The following ADAMTS12 variants were observed in gnomAD, a reference collection of about 807,000 sequenced individuals.
ADAMTS12 encodes the protein ADAM metallopeptidase with thrombospondin type 1 motif 12, also known as A disintegrin and metalloproteinase with thrombospondin motifs 12.
A neutral mutation model predicts 167.8 loss-of-function variants in ADAMTS12; 118 were observed. The observed-to-expected ratio is 0.70, with a 90% CI of 0.61 to 0.82. ADAMTS12 has a LOEUF of 0.82. Among genes scored for constraint, ADAMTS12 ranks in the 40% least tolerant of loss-of-function variants. The probability of loss-of-function intolerance (pLI) is 0.00; values close to 1 mark genes in which losing one functional copy is unlikely to be tolerated. For missense variants in ADAMTS12, 1,916 were observed against 1,998.8 expected, an observed-to-expected ratio of 0.96 and a Z score of 0.79; for synonymous variants, 704 against 716.9, an observed-to-expected ratio of 0.98 and a Z score of 0.29.
rs559713999 is a variant in ADAMTS12, at chr5:33,850,688, T to C, written c.489+30431A>G. 9.8e-5 allele frequency among the ~76,000 whole-genome samples: 15 copies of C among 152,316 alleles called. No homozygotes were observed. The East Asian group carries it at 2.9e-3, about 29-fold the overall frequency. On this transcript the variant is annotated intron_variant, in intron 2 of 23. Transcript: ENST00000504830. ...CTGGGCTAGGATATTATTTCTCACC[T>C]TCATATTTTTTGACTGTTTAGTTTT... is the stretch of plus-strand genomic sequence containing the variant.
intron 3 of ADAMTS12, among the ~76,000 whole-genome samples, chr5:33,698,374 G>A (rs1742861972): frequency 6.6e-6 from 1 of 152,150 alleles, no homozygotes; most frequent in African/African-American, 2.4e-5. Flanking sequence ...TTTCCATACA[G>A]TGGACCATTC....
chr5:33,753,069 T>C (rs1745050574), intron 2 of ADAMTS12, among the ~76,000 whole-genome samples: 1 of 152,184 alleles, frequency 6.6e-6, no homozygotes, highest in South Asian at 2.1e-4. Flanking sequence ...TGACCTTCAA[T>C]GGGTCATGCA....
intron 3 of ADAMTS12, among the ~76,000 whole-genome samples, chr5:33,697,514 A>C (rs1742826134): frequency 6.6e-6 from 1 of 152,162 alleles, no homozygotes; most frequent in South Asian, 2.1e-4. Flanking sequence ...TTTCTCTTCA[A>C]ATAACCCAAT....
intron 2 of ADAMTS12, among the ~76,000 whole-genome samples, chr5:33,876,077 A>T (rs879401202): frequency 3.3e-5 from 5 of 152,246 alleles, no homozygotes; most frequent in Non-Finnish European, 7.3e-5. Context: ...GATATTTAGA[A>T]GTCAATCTAA....
chr5:33,536,611 G>A lies in ADAMTS12; in HGVS notation c.4447-1619C>T, dbSNP rs79936354. ...CTTAATAATAGATCATAGAGGTTAC[G>A]AGTGATTCCAAAGGCTGGCCTGGTA... On this transcript the variant is annotated intron_variant, in intron 22 of 23. Transcript: ENST00000504830. 3.6e-3 allele frequency among the ~76,000 whole-genome samples: 541 copies of A among 150,808 alleles called. 5 individuals are homozygous for A. The highest frequency in any genetic ancestry group is 0.013 in the African/African-American group (529 of 40,210).
intron 2 of ADAMTS12, among the ~76,000 whole-genome samples, chr5:33,858,397 C>T (rs142449632): frequency 7.2e-5 from 11 of 152,344 alleles, no homozygotes; most frequent in Admixed American, 1.3e-4. Context: ...TGGCTCACGC[C>T]TATAATCCCA....
intron 2 of ADAMTS12, among the ~76,000 whole-genome samples, chr5:33,791,140 A>G (rs995397561): frequency 8.5e-5 from 13 of 152,190 alleles, no homozygotes; most frequent in Admixed American, 2.6e-4. Flanking sequence ...AGCTACTCAC[A>G]TGCACAGCAG....
intron 2 of ADAMTS12, among the ~76,000 whole-genome samples, chr5:33,773,784 T>A (rs570771323): frequency 1.3e-5 from 2 of 152,290 alleles, no homozygotes; most frequent in African/African-American, 4.8e-5. Context: ...TATGATAGAC[T>A]TTTTTTGCAT....
intron 2 of ADAMTS12, among the ~76,000 whole-genome samples, chr5:33,826,226 A>G (rs1748063672): frequency 1.3e-5 from 2 of 152,130 alleles, no homozygotes; most frequent in African/African-American, 4.8e-5. Flanking sequence ...CAATTTATGC[A>G]TCTTGATGTG....
chr5:33,738,939 G>C (rs1744468332), intron 3 of ADAMTS12, among the ~76,000 whole-genome samples: 1 of 152,218 alleles, frequency 6.6e-6, no homozygotes, highest in Non-Finnish European at 1.5e-5. Context: ...AATGCAGCCA[G>C]GGTGCTGGTC....
At chr5:33,751,156 T>C in intron 3 of ADAMTS12, 1 of 509,538 alleles carries the variant, frequency 2.0e-6, no homozygotes, top group East Asian at 3.1e-5. Context: ...CAAAGATGCT[T>C]TTATTTCCTT....
At chr5:33,652,416 C>T (rs1012511942) in intron 7 of ADAMTS12, among the ~76,000 whole-genome samples, 1 of 152,022 alleles carries the variant, frequency 6.6e-6, no homozygotes, top group Non-Finnish European at 1.5e-5. Context: ...TTATTGGCCA[C>T]TTTTGTGTCT....
intron 9 of ADAMTS12, among the ~76,000 whole-genome samples, chr5:33,645,966 A>T (rs1012144289): frequency 1.3e-5 from 2 of 152,216 alleles, no homozygotes; most frequent in Non-Finnish European, 2.9e-5. Context: ...GCTTTGACAC[A>T]GGAAATTCAG....
At position 33,667,326 on chromosome 5, in the gene ADAMTS12, A is replaced by G. The variant is rs1013997717; in HGVS notation, c.916-5286T>C. Among the ~76,000 whole-genome samples the G allele has an allele frequency of 3.3e-5, 5 of 151,584 alleles. No homozygotes were observed. In the East Asian group the frequency reaches 9.7e-4, roughly 29 times the overall value. On this transcript the variant is annotated intron_variant, in intron 5 of 23. Coordinates refer to ENST00000504830, the MANE Select transcript of ADAMTS12 (RefSeq NM_030955.4). ...GAGTGAGACTCTGTCTCAAAAAAAA[A>G]AAAAAAAAAAAAAGATTTCTCGCTT... is the stretch of plus-strand genomic sequence containing the variant.
intron 12 of ADAMTS12, among the ~76,000 whole-genome samples, chr5:33,633,729 T>C (rs4866352): frequency 0.51 from 77,957 of 151,898 alleles, 21,554 homozygotes; most frequent in Non-Finnish European, 0.6. Flanking sequence ...AGGGTGGTAA[T>C]GGATGGTCTT....
intron 9 of ADAMTS12, among the ~76,000 whole-genome samples, chr5:33,647,030 C>T (rs868297610): frequency 6.6e-6 from 1 of 151,930 alleles, no homozygotes; most frequent in Admixed American, 6.6e-5. Flanking sequence ...GATAAAGATA[C>T]ATGATATAAA....
At chr5:33,675,931 G>A (rs552568329) in intron 5 of ADAMTS12, among the ~76,000 whole-genome samples, 7 of 152,266 alleles carry the variant, frequency 4.6e-5, no homozygotes, top group Non-Finnish European at 8.8e-5. Flanking sequence ...CAATAAATGC[G>A]AGGGAACTTG....
chr5:33,570,585 T>C (rs1182220058), intron 19 of ADAMTS12, among the ~76,000 whole-genome samples: 1 of 151,718 alleles, frequency 6.6e-6, no homozygotes, highest in Non-Finnish European at 1.5e-5. Context: ...CTAAAAGAGC[T>C]CCTGAAGGAA....
chr5:33,576,992 T>C lies in ADAMTS12; in HGVS notation c.3034A>G (p.Asn1012Asp), dbSNP rs1236004196. 20 of 1,614,034 alleles carry C rather than the reference T, an allele frequency of 1.2e-5. No individual in the cohort carries two copies. In the East Asian group the frequency reaches 4.5e-4, roughly 36 times the overall value. The change falls in exon 19 of 24, where the codon AAT becomes GAT. Residue 1012 changes from asparagine (N) to aspartate (D), a missense_variant. By Grantham distance (23) the Asn-to-Asp change is conservative. Transcript: ENST00000504830. ...TTTAGTGTTGGTGGGTTTTTTCCATTGGAAATAGTGCCTTTGTTTGGTTTC... is the reference window on the plus strand; with the variant it reads ...TTTAGTGTTGGTGGGTTTTTTCCATCGGAAATAGTGCCTTTGTTTGGTTTC... Reference protein sequence around the residue: ...VLKPNKGTISNGKNPPTLKPV... With the variant: ...VLKPNKGTISDGKNPPTLKPV...
Sources: gnomAD v4.1 joint callset for allele counts (sites outside exome capture counted in the v4.1 genomes callset) on GRCh38, gnomAD v4.1.1 for gene constraint, MANE v1.5 for transcripts, NCBI Gene and HGNC (gene_info 2026-07-23, HGNC 2026-07-21) for gene names.